Variants in CHRNA1 observed in about 807,000 individuals in gnomAD.
CHRNA1 encodes the protein cholinergic receptor nicotinic alpha 1 subunit.
CHRNA1 carries 35 observed loss-of-function variants against 47.1 expected under a neutral mutation model. The ratio of observed to expected loss-of-function variants is 0.74; its 90% CI spans 0.57 to 0.99. CHRNA1 has a LOEUF of 0.99. Ranked by LOEUF, CHRNA1 falls within the 50% of genes least tolerant of loss-of-function variation. CHRNA1 has a pLI of 0.00. For missense variants in CHRNA1, 506 were observed against 591.1 expected (o/e 0.86, Z 1.49); for synonymous variants, 229 against 223.6 (o/e 1.02, Z -0.22).
rs1165318666 is a variant in CHRNA1 at position 174,757,668 on chromosome 2, A to C, written c.242T>G (p.Val81Gly). ...TGGATTCCATTTTAGGTTGTAATCC[A>C]CCCATTGCTAGAAACAAAGACATAC... ...TTNVRLKQQWVDYNLKWNPDD... is the reference protein window; with the variant it reads ...TTNVRLKQQWGDYNLKWNPDD... The change falls in exon 4 of 9, where the codon GTG (valine) becomes GGG (glycine). Residue 81 changes from valine (V) to glycine (G), a missense_variant. Coordinates refer to ENST00000348749, the MANE Select transcript of CHRNA1 (RefSeq NM_000079.4). 6.2e-7 allele frequency: 1 copy of C among 1,613,862 alleles called. No homozygotes were observed. The highest frequency in any genetic ancestry group is 1.7e-5 in the Admixed American group (1 of 60,018).
At chr2:174,759,105 C>T (rs1684039778) in intron 3 of CHRNA1, among the ~76,000 whole-genome samples, 1 of 151,986 alleles carries the variant, frequency 6.6e-6, no homozygotes, top group African/African-American at 2.4e-5. Context: ...TTGTTTAAGC[C>T]ACACAGTTAT....
intron 4 of CHRNA1, among the ~76,000 whole-genome samples, chr2:174,755,206 C>T (rs529633404): frequency 2.6e-4 from 39 of 152,050 alleles, no homozygotes; most frequent in African/African-American, 9.2e-4. Flanking sequence ...TTTTAAAGAA[C>T]GATTTAGAAC....
chr2:174,764,469 G>C lies in CHRNA1; in HGVS notation c.-75C>G. On this transcript the variant is annotated 5_prime_UTR_variant, in exon 1 of 9. Transcript: ENST00000348749. ...TCACTGGCACTCTGGCTGGGTGCTT[G>C]TCTGCTGGAGGGTTTGGAAAGCGAG... 1.3e-6 allele frequency: 2 copies of C among 1,493,610 alleles called. No individual in the cohort carries two copies. Among genetic ancestry groups the C allele is most frequent in the Non-Finnish European group, 9.2e-7 (1 of 1,081,566 alleles). The allele number at this position is 1,493,610 out of a possible 1,614,324, so 92.5% of individuals were successfully genotyped here. A position where few individuals can be genotyped will look rare whatever the true frequency, so the allele number is the denominator to read the frequency against.
rs569599752 is a variant in CHRNA1 at position 174,764,403 on chromosome 2, G to A, written c.-9C>T. ...AGAGGCCAGGGCTCCATGGGCTACC[G>A]GAGCTTGTGTGGACCAGGGCAGAGT... is the stretch of plus-strand genomic sequence containing the variant. On this transcript the variant is annotated 5_prime_UTR_variant, in exon 1 of 9. Transcript: ENST00000348749. The A allele has an allele frequency of 5.9e-5, 95 of 1,611,988 alleles. 1 individual carries two copies. The highest frequency in any genetic ancestry group is 1.7e-4 in the Middle Eastern group (1 of 6,058).
Position 174,748,962 on chromosome 2 carries a change from C to A in CHRNA1, c.1003-143G>T, listed in dbSNP as rs533690292. 3.2e-5 allele frequency: 35 copies of A among 1,109,720 alleles called. No homozygotes were observed. The South Asian group carries it at 4.4e-4, about 14-fold the overall frequency. The allele number at this position is 1,109,720 out of a possible 1,614,324, so 68.7% of individuals were successfully genotyped here. The stretch of plus-strand genomic sequence containing the variant: ...CCTCCTTGTCCTTAAAACAAAAGAA[C>A]TATACTAGATTTTTTCAAAGATCCC... On this transcript the variant is annotated intron_variant, in intron 7 of 8. Coordinates refer to ENST00000348749, the MANE Select transcript of CHRNA1 (RefSeq NM_000079.4).
chr2:174,751,854 A>AT (rs1270467452), intron 6 of CHRNA1, among the ~76,000 whole-genome samples: 2 of 151,492 alleles, frequency 1.3e-5, no homozygotes, highest in African/African-American at 4.8e-5. Flanking sequence ...AATTTTTTGT[A>AT]TTTTTAATAG....
chr2:174,755,459 G>A (rs573565156), intron 4 of CHRNA1, among the ~76,000 whole-genome samples: 1 of 148,866 alleles, frequency 6.7e-6, no homozygotes, highest in African/African-American at 2.5e-5. Flanking sequence ...TCCCTCTGTT[G>A]CCCAGGCTGG....
chr2:174,754,737 G>T (rs1490744513), intron 4 of CHRNA1, among the ~76,000 whole-genome samples: 2 of 151,900 alleles, frequency 1.3e-5, no homozygotes, highest in African/African-American at 4.8e-5. Flanking sequence ...TATTTTTCCA[G>T]CCCTCACAAG....
intron 7 of CHRNA1, among the ~76,000 whole-genome samples, chr2:174,749,606 G>A (rs1683805140): frequency 6.6e-6 from 1 of 152,136 alleles, no homozygotes; most frequent in Non-Finnish European, 1.5e-5. Context: ...AAGCCAGTCT[G>A]TTCACAGATT....
rs1683761862 is a variant in CHRNA1 at position 174,747,871 on chromosome 2, C to G, written c.*253G>C. The stretch of plus-strand genomic sequence containing the variant: ...CTCTTCCAGACACTGGAAATGAACA[C>G]TTTTTTTAGTGATTAGTTTCATTTA... On this transcript the variant is annotated 3_prime_UTR_variant, in exon 9 of 9. Transcript: ENST00000348749. 2.1e-6 allele frequency: 1 copy of G among 465,976 alleles called. No individual in the cohort carries two copies. The highest frequency in any genetic ancestry group is 3.3e-5 in the Admixed American group (1 of 29,932). 28.9% of individuals were successfully genotyped at this position (465,976 alleles called of 1,614,324 possible).
Position 174,748,180 on chromosome 2 carries a change from T to C in CHRNA1, c.1318A>G (p.Ile440Val), listed in dbSNP as rs1479795714. 1 of 1,614,014 alleles carries C rather than the reference T, an allele frequency of 6.2e-7. No homozygotes were observed. Among genetic ancestry groups the C allele is most frequent in the Non-Finnish European group, 8.5e-7 (1 of 1,180,034 alleles). ...CCTGCAAACACGGCTAGGGTTCCGA[T>C]GATGCAAACAAGCATGAAGACTCCG... ...LLGVFMLVCIIGTLAVFAGRL... is the reference protein window; with the variant it reads ...LLGVFMLVCIVGTLAVFAGRL... The change falls in exon 9 of 9, where the codon ATC (isoleucine) becomes GTC (valine). Residue 440 changes from isoleucine to valine, a missense_variant. By Grantham distance (29) the Ile-to-Val change is conservative (BLOSUM62 3). Coordinates refer to ENST00000348749, the MANE Select transcript of CHRNA1 (RefSeq NM_000079.4).
intron 6 of CHRNA1, among the ~76,000 whole-genome samples, chr2:174,751,414 G>A (rs1683845874): frequency 6.6e-6 from 1 of 152,130 alleles, no homozygotes; most frequent in Non-Finnish European, 1.5e-5. Context: ...TCCCCTACTG[G>A]CTGCTTCCGG....
At chr2:174,750,314 A>C in intron 6 of CHRNA1, 145 bp from the exon 7 acceptor site, 4 of 684,916 alleles carry the variant, frequency 5.8e-6, no homozygotes, top group Admixed American at 4.9e-5. Context: ...CAGGGACTTT[A>C]AGGAGGTAAT....
chr2:174,754,519 T>G (rs1436750952), intron 4 of CHRNA1, 105 bp from the exon 5 acceptor site: 1 of 952,510 alleles, frequency 1.0e-6, no homozygotes, highest in African/African-American at 1.6e-5. Context: ...CAGGTGCTAA[T>G]TATAGAAGCT....
intron 3 of CHRNA1, among the ~76,000 whole-genome samples, 161 bp downstream of exon 3, chr2:174,759,170 C>A (rs1684041942): frequency 6.6e-6 from 1 of 152,104 alleles, no homozygotes; most frequent in African/African-American, 2.4e-5. Context: ...TAAAAAAAAG[C>A]AAAACCAAAA....
intron 1 of CHRNA1, among the ~76,000 whole-genome samples, chr2:174,761,660 T>G (rs901233075): frequency 6.6e-6 from 1 of 152,208 alleles, no homozygotes; most frequent in Non-Finnish European, 1.5e-5. Flanking sequence ...GGGCACTCAG[T>G]GCCCAACCAC....
chr2:174,756,651 T>A (rs1453608075), intron 4 of CHRNA1, among the ~76,000 whole-genome samples: 2 of 152,180 alleles, frequency 1.3e-5, no homozygotes, highest in African/African-American at 4.8e-5. Flanking sequence ...CCAAAAAGAT[T>A]ACACAAATGA....
chr2:174,760,903 T>G (rs1026572452), intron 1 of CHRNA1, among the ~76,000 whole-genome samples: 3 of 152,100 alleles, frequency 2.0e-5, no homozygotes, highest in African/African-American at 7.2e-5. Context: ...CATCTAATAC[T>G]CTCAGAACCC....
chr2:174,756,960 CT>C (rs2105350179), intron 4 of CHRNA1, among the ~76,000 whole-genome samples: 1 of 152,304 alleles, frequency 6.6e-6, no homozygotes, highest in East Asian at 1.9e-4. Flanking sequence ...ACCAGAACGT[CT>C]TGAATAATAT....
Sources: allele counts gnomAD v4.1 joint callset (sites outside exome capture counted in the v4.1 genomes callset), GRCh38; gene constraint gnomAD v4.1.1; transcripts MANE v1.5; gene names NCBI Gene and HGNC (gene_info 2026-07-23, HGNC 2026-07-21).